The following RAPGEF2 variants were observed in gnomAD, a reference collection of about 807,000 sequenced individuals.
RAPGEF2 encodes Rap guanine nucleotide exchange factor 2, also known as PDZ domain containing guanine nucleotide exchange factor (GEF) 1.
RAPGEF2 carries 54 observed loss-of-function variants against 186.7 expected under a neutral mutation model. The observed-to-expected ratio is 0.29, with a 90% CI of 0.23 to 0.36. RAPGEF2 has a LOEUF of 0.36. Among genes scored for constraint, RAPGEF2 ranks in the 10% least tolerant of loss-of-function variants. RAPGEF2 has a pLI of 1.00. For synonymous variants in RAPGEF2, 712 were observed against 705.9 expected, an observed-to-expected ratio of 1.01 and a Z score of -0.14; for missense variants, 1,532 against 2,045.0, an observed-to-expected ratio of 0.75 and a Z score of 4.84.
intron 8 of RAPGEF2, among the ~76,000 whole-genome samples, chr4:159,308,769 C>A (rs2111077977): frequency 6.6e-6 from 1 of 152,270 alleles, no homozygotes; most frequent in South Asian, 2.1e-4. Flanking sequence ...AAGAAACATT[C>A]TTCTGTTTTA....
chr4:159,128,025 T>C (rs1245669284), intron 1 of RAPGEF2, among the ~76,000 whole-genome samples: 2 of 152,190 alleles, frequency 1.3e-5, no homozygotes, highest in Admixed American at 1.3e-4. Flanking sequence ...TTTATTGCCT[T>C]GGATTATATT....
At chr4:159,266,914 A>T (rs946797974) in intron 7 of RAPGEF2, 2 of 184,782 alleles carry the variant, frequency 1.1e-5, no homozygotes, top group African/African-American at 2.3e-5. Flanking sequence ...AATGGATTCC[A>T]TCCCTCTGAG....
chr4:159,131,199 C>A (rs904741555), intron 1 of RAPGEF2, among the ~76,000 whole-genome samples: 1 of 152,146 alleles, frequency 6.6e-6, no homozygotes, highest in African/African-American at 2.4e-5. Context: ...CAACCTCCGC[C>A]TCCTAGGTTC....
rs1208735823 is a variant in RAPGEF2, at chr4:159,103,582, T to G, written c.-581T>G. The G allele has an allele frequency of 2.0e-5, 3 of 152,946 alleles. No individual in the cohort carries two copies. The highest frequency in any genetic ancestry group is 4.4e-5 in the Non-Finnish European group (3 of 68,350). The allele number at this position is 152,946 out of a possible 1,614,324, so 9.5% of individuals were successfully genotyped here. A position where few individuals can be genotyped will look rare whatever the true frequency, so the allele number is the denominator to read the frequency against. On this transcript the variant is annotated 5_prime_UTR_variant, in exon 1 of 30. Transcript: ENST00000691494. ...ACCTGAGCCAGACCCACCTGGTCCG[T>G]CCTCCCGACCGGCGGCCGAGGCGCC...
intron 1 of RAPGEF2, among the ~76,000 whole-genome samples, chr4:159,149,403 T>C (rs1743292726): frequency 6.6e-6 from 1 of 152,008 alleles, no homozygotes; most frequent in African/African-American, 2.4e-5. Context: ...GGATTACAGG[T>C]GCCTGCCACC....
chr4:159,237,436 TATC>T (rs1384657886), intron 4 of RAPGEF2, among the ~76,000 whole-genome samples: 1 of 152,182 alleles, frequency 6.6e-6, no homozygotes, highest in Non-Finnish European at 1.5e-5. Flanking sequence ...AAATAAAATT[TATC>T]ATATGATGTG....
At chr4:159,239,762 A>G (rs943288693) in intron 5 of RAPGEF2, among the ~76,000 whole-genome samples, 3 of 152,216 alleles carry the variant, frequency 2.0e-5, no homozygotes, top group Admixed American at 6.5e-5. Flanking sequence ...TACTGTCTCC[A>G]TCCAGCACCC....
At chr4:159,214,961 C>T (rs1040746794) in intron 4 of RAPGEF2, among the ~76,000 whole-genome samples, 1 of 152,192 alleles carries the variant, frequency 6.6e-6, no homozygotes, top group South Asian at 2.1e-4. Context: ...CTTCCACGTT[C>T]AAGCAATTAT....
chr4:159,153,534 T>C (rs1579319633), intron 1 of RAPGEF2, among the ~76,000 whole-genome samples: 1 of 152,334 alleles, frequency 6.6e-6, no homozygotes, highest in Non-Finnish European at 1.5e-5. Flanking sequence ...AGAATGACTT[T>C]TAGAGGTCCG....
At chr4:159,285,612 T>G (rs1367977671) in intron 7 of RAPGEF2, among the ~76,000 whole-genome samples, 2 of 152,230 alleles carry the variant, frequency 1.3e-5, no homozygotes, top group African/African-American at 4.8e-5. Context: ...AACTTAACTT[T>G]AAAATATAAA....
At chr4:159,316,263 T>C (rs1307559009) in intron 9 of RAPGEF2, among the ~76,000 whole-genome samples, 1 of 152,176 alleles carries the variant, frequency 6.6e-6, no homozygotes, top group African/African-American at 2.4e-5. Context: ...TATTATAATA[T>C]TGGAATAAAG....
chr4:159,355,879 C>CCCCG lies in RAPGEF2; in HGVS notation c.4681_4682insGCCC (p.Pro1561ArgfsTer15). On this transcript the variant is annotated frameshift_variant, in exon 29 of 30. Coordinates refer to ENST00000691494, the MANE Select transcript of RAPGEF2 (RefSeq NM_001394067.2). LOFTEE classifies it high-confidence loss of function. Reference sequence around the variant, plus strand: ...ACGAAAGGAGGGCAGGTATCGAGAGCCCCCGCCCACCCCTCCCGGCTACAT... The same window carrying CCCCG: ...ACGAAAGGAGGGCAGGTATCGAGAGCCCCGCCCCGCCCACCCCTCCCGGCTACAT... 6.6e-7 allele frequency: 1 copy of CCCCG among 1,525,656 alleles called. No individual in the cohort carries two copies. Among genetic ancestry groups the CCCCG allele is most frequent in the Non-Finnish European group, 8.9e-7 (1 of 1,125,680 alleles). The allele number at this position is 1,525,656 out of a possible 1,614,324, so 94.5% of individuals were successfully genotyped here.
chr4:159,218,528 G>T (rs1486316385), intron 4 of RAPGEF2, among the ~76,000 whole-genome samples: 1 of 152,156 alleles, frequency 6.6e-6, no homozygotes. Context: ...GGCTGAGGCA[G>T]GCAGATCACC....
rs115602451 is a variant in RAPGEF2, at chr4:159,216,941, A to G, written c.281+6358A>G. The stretch of plus-strand genomic sequence containing the variant: ...TAACTAATCAGTTTGGAGAGGCTGA[A>G]ATACTATTCTCATTATGATTCTCGT... On this transcript the variant is annotated intron_variant, in intron 4 of 29. Coordinates refer to ENST00000691494, the MANE Select transcript of RAPGEF2 (RefSeq NM_001394067.2). 4.8e-3 allele frequency among the ~76,000 whole-genome samples: 735 copies of G among 152,232 alleles called. 7 individuals are homozygous for G. Among genetic ancestry groups the G allele is most frequent in the African/African-American group, 0.016 (684 of 41,536 alleles).
At chr4:159,131,095 TGTGAGAGA>T (rs778450039) in intron 1 of RAPGEF2, among the ~76,000 whole-genome samples, 2,126 of 42,966 alleles carry the variant, frequency 0.049, 15 homozygotes, top group Admixed American at 0.078. Context: ...TGTGTGTGTG[TGTGAGAGA>T]GAGAGAGAGA....
At chr4:159,225,079 A>G (rs976547014) in intron 4 of RAPGEF2, among the ~76,000 whole-genome samples, 10 of 152,194 alleles carry the variant, frequency 6.6e-5, no homozygotes, top group Non-Finnish European at 1.5e-5. Flanking sequence ...GGTGGGAGCT[A>G]CAGGGGATAT....
At chr4:159,218,193 A>T (rs1025395683) in intron 4 of RAPGEF2, among the ~76,000 whole-genome samples, 1 of 152,226 alleles carries the variant, frequency 6.6e-6, no homozygotes, top group East Asian at 1.9e-4. Flanking sequence ...GAAGTTGTGT[A>T]TTCACGTAAG....
chr4:159,168,533 C>T (rs990884968), intron 1 of RAPGEF2, among the ~76,000 whole-genome samples: 1 of 151,622 alleles, frequency 6.6e-6, no homozygotes, highest in Non-Finnish European at 1.5e-5. Flanking sequence ...GCTGGTGGTT[C>T]TGCCAAGTTG....
chr4:159,133,144 A>G lies in RAPGEF2; in HGVS notation c.69+28913A>G, dbSNP rs575792650. On this transcript the variant is annotated intron_variant, in intron 1 of 29. Coordinates refer to ENST00000691494, the MANE Select transcript of RAPGEF2 (RefSeq NM_001394067.2). The stretch of plus-strand genomic sequence containing the variant: ...TAAAGTATAGTTTGGAAAGATGTAT[A>G]CTGATCTTTCCATATCAGTACATGA... Among the ~76,000 whole-genome samples, 21 of 152,294 alleles carry G rather than the reference A, an allele frequency of 1.4e-4. No individual in the cohort carries two copies. The East Asian group carries it at 4.0e-3, about 29-fold the overall frequency.
Sources: gnomAD v4.1 joint callset for allele counts (sites outside exome capture counted in the v4.1 genomes callset) on GRCh38, gnomAD v4.1.1 for gene constraint, MANE v1.5 for transcripts, NCBI Gene and HGNC (gene_info 2026-07-23, HGNC 2026-07-21) for gene names.